Variants in CHODL observed in about 807,000 individuals in gnomAD.
The protein encoded by CHODL is transmembrane protein MT75.
Under a neutral mutation model 34.5 loss-of-function variants are expected in CHODL, and 29 were observed. The observed-to-expected ratio is 0.84, with a 90% CI of 0.63 to 1.15. The LOEUF is 1.15. Ranked by LOEUF, CHODL falls within the 50% of genes most tolerant of loss-of-function variation. The pLI, the probability that CHODL is intolerant of heterozygous loss-of-function variation, is 0.00. For missense variants in CHODL, 332 were observed against 332.5 expected, an observed-to-expected ratio of 1.00 and a Z score of 0.01; for synonymous variants, 125 against 116.1, an observed-to-expected ratio of 1.08 and a Z score of -0.49.
chr21:18,060,709 C>CAAAA (rs71318121), intron 2 of CHODL, among the ~76,000 whole-genome samples: 7 of 121,372 alleles, frequency 5.8e-5, no homozygotes, highest in Non-Finnish European at 1.2e-4. Context: ...CTCCTCGGAC[C>CAAAA]AAAAAAAAAA....
At chr21:18,146,765 G>A (rs1373382895) in intron 2 of CHODL, among the ~76,000 whole-genome samples, 2 of 152,166 alleles carry the variant, frequency 1.3e-5, no homozygotes, top group African/African-American at 4.8e-5. Context: ...GCTAATCTGA[G>A]CTCTTAGTAT....
At chr21:17,981,228 A>G (rs2063711448) in intron 1 of CHODL, among the ~76,000 whole-genome samples, 1 of 152,176 alleles carries the variant, frequency 6.6e-6, no homozygotes, top group South Asian at 2.1e-4. Context: ...GTAGGCTCTG[A>G]CGTGTAGGTG....
chr21:18,107,920 C>G (rs143332414), intron 2 of CHODL, among the ~76,000 whole-genome samples: 23 of 152,310 alleles, frequency 1.5e-4, no homozygotes, highest in Non-Finnish European at 5.9e-5. Flanking sequence ...TTTCAATAAG[C>G]ATGTGGAAAA....
At chr21:18,239,246 G>A (rs2074058285) in intron 2 of CHODL, among the ~76,000 whole-genome samples, 1 of 151,950 alleles carries the variant, frequency 6.6e-6, no homozygotes, top group African/African-American at 2.4e-5. Flanking sequence ...AAGGTTTACG[G>A]GTGCTGATAT....
At chr21:18,066,596 G>A (rs1032137582) in intron 2 of CHODL, among the ~76,000 whole-genome samples, 3 of 152,066 alleles carry the variant, frequency 2.0e-5, no homozygotes, top group African/African-American at 7.2e-5. Flanking sequence ...GAAATATGCT[G>A]GCTTCCTGCT....
chr21:18,262,751 C>A, intron 4 of CHODL, 40 bp from the exon 5 acceptor site: 3 of 1,157,252 alleles, frequency 2.6e-6, no homozygotes, highest in South Asian at 1.4e-5. Flanking sequence ...AGAATTCTTC[C>A]TCAACTATCT....
Position 18,219,554 on chromosome 21 carries a change from GA to G in CHODL, c.-44-36954del, listed in dbSNP as rs1474175155. 2.6e-5 allele frequency among the ~76,000 whole-genome samples: 4 copies of G among 152,112 alleles called. No individual in the cohort carries two copies. In the East Asian group the frequency reaches 7.7e-4, roughly 29 times the overall value. On this transcript the variant is annotated intron_variant, in intron 2 of 6. Transcript: ENST00000400127. ...ATTTACATTCTCACCAACAGAGTAT[GA>G]GAGTTCCCCTTTCTCCACATCCTCC...
intron 1 of CHODL, among the ~76,000 whole-genome samples, chr21:17,919,081 C>T (rs2063163671): frequency 6.6e-6 from 1 of 152,216 alleles, no homozygotes; most frequent in Non-Finnish European, 1.5e-5. Context: ...TAAAGTCCCG[C>T]TCCTGGCTGC....
At chr21:18,015,360 A>T (rs1289165702) in intron 1 of CHODL, among the ~76,000 whole-genome samples, 1 of 152,064 alleles carries the variant, frequency 6.6e-6, no homozygotes, top group Admixed American at 6.6e-5. Context: ...TTTGCCTTCC[A>T]CCATGATCGT....
chr21:17,965,604 A>T (rs1186780025), intron 1 of CHODL, among the ~76,000 whole-genome samples: 1 of 152,068 alleles, frequency 6.6e-6, no homozygotes, highest in African/African-American at 2.4e-5. Context: ...ATACTCTTAT[A>T]ATGCATTTGT....
chr21:18,109,444 G>T (rs1251581130), intron 2 of CHODL, among the ~76,000 whole-genome samples: 1 of 152,134 alleles, frequency 6.6e-6, no homozygotes, highest in Non-Finnish European at 1.5e-5. Flanking sequence ...AAGGTGATGA[G>T]CCATAGAAAC....
chr21:18,001,531 AAGGATTACTC>A (rs1311876518), intron 1 of CHODL, among the ~76,000 whole-genome samples: 1 of 152,188 alleles, frequency 6.6e-6, no homozygotes, highest in Non-Finnish European at 1.5e-5. Context: ...CCATCATGCT[AAGGATTACTC>A]AGGGACTGTT....
At chr21:17,924,771 A>G (rs760395819) in intron 1 of CHODL, among the ~76,000 whole-genome samples, 5 of 152,212 alleles carry the variant, frequency 3.3e-5, no homozygotes, top group Non-Finnish European at 5.9e-5. Context: ...TAATAAGTCT[A>G]CAGAAATAAG....
At chr21:18,030,640 A>G (rs278003) in intron 2 of CHODL, among the ~76,000 whole-genome samples, 93,210 of 151,974 alleles carry the variant, frequency 0.61, 29,301 homozygotes, top group Middle Eastern at 0.71. Flanking sequence ...GGTTGCAATG[A>G]AGAATGCAGA....
At chr21:18,200,865 A>C (rs1023881053) in intron 2 of CHODL, among the ~76,000 whole-genome samples, 1 of 152,142 alleles carries the variant, frequency 6.6e-6, no homozygotes, top group Non-Finnish European at 1.5e-5. Context: ...ACAGAGGGAG[A>C]GATTGGAGTG....
At chr21:17,958,799 C>T (rs1383942026) in intron 1 of CHODL, among the ~76,000 whole-genome samples, 2 of 152,076 alleles carry the variant, frequency 1.3e-5, no homozygotes, top group African/African-American at 4.8e-5. Flanking sequence ...TCCGTTCATT[C>T]TCTGTATGGA....
chr21:18,212,722 T>C (rs1251313744), intron 2 of CHODL, among the ~76,000 whole-genome samples: 1 of 152,138 alleles, frequency 6.6e-6, no homozygotes, highest in African/African-American at 2.4e-5. Context: ...TCTGTAAATA[T>C]TCACTTGAAT....
intron 1 of CHODL, among the ~76,000 whole-genome samples, chr21:17,970,060 C>T (rs2063602218): frequency 6.6e-6 from 1 of 152,108 alleles, no homozygotes; most frequent in Non-Finnish European, 1.5e-5. Flanking sequence ...CTATTGGATC[C>T]TGGGTATTCA....
chr21:17,922,734 T>A (rs1388986052), intron 1 of CHODL, among the ~76,000 whole-genome samples: 1 of 152,208 alleles, frequency 6.6e-6, no homozygotes, highest in Non-Finnish European at 1.5e-5. Flanking sequence ...TTTTACTGAA[T>A]GCACTGAGAT....
Sources: gnomAD v4.1 joint callset for allele counts (sites outside exome capture counted in the v4.1 genomes callset) on GRCh38, gnomAD v4.1.1 for gene constraint, MANE v1.5 for transcripts, NCBI Gene and HGNC (gene_info 2026-07-23, HGNC 2026-07-21) for gene names.